The following SH3GL2 variants were observed in gnomAD, a reference collection of about 807,000 sequenced individuals.
SH3GL2 encodes endophilin-A1.
Under a neutral mutation model 46.0 loss-of-function variants are expected in SH3GL2, and 24 were observed. That is an observed-to-expected ratio of 0.52 (90% CI 0.38 to 0.73). The LOEUF (loss-of-function observed/expected upper bound fraction) is 0.73. SH3GL2 is among the 30% of genes least tolerant of loss of function. SH3GL2 has a pLI of 0.00. For synonymous variants in SH3GL2, 196 were observed against 147.1 expected (o/e 1.33, Z -2.40); for missense variants, 413 against 424.2 (o/e 0.97, Z 0.23).
intron 1 of SH3GL2, among the ~76,000 whole-genome samples, chr9:17,582,790 A>G (rs964933752): frequency 6.6e-6 from 1 of 152,250 alleles, no homozygotes; most frequent in Non-Finnish European, 1.5e-5. Context: ...GGTATGAGAC[A>G]GGATCTATTC....
intron 1 of SH3GL2, among the ~76,000 whole-genome samples, chr9:17,730,501 T>G (rs771621407): frequency 2.0e-5 from 3 of 152,270 alleles, no homozygotes; most frequent in African/African-American, 7.2e-5. Flanking sequence ...CTATGTTGAA[T>G]AGGAGTGGTG....
At chr9:17,738,647 G>GAA (rs1822430766) in intron 1 of SH3GL2, among the ~76,000 whole-genome samples, 1 of 47,378 alleles carries the variant, frequency 2.1e-5, no homozygotes, top group African/African-American at 7.5e-5. Flanking sequence ...TATATAGAGA[G>GAA]AGAGAGAGAG....
chr9:17,732,089 G>A (rs1822200477), intron 1 of SH3GL2, among the ~76,000 whole-genome samples: 1 of 152,132 alleles, frequency 6.6e-6, no homozygotes, highest in African/African-American at 2.4e-5. Context: ...CATGAGTGTT[G>A]AGTAGGCCAA....
In SH3GL2 at chr9:17,604,253, G is replaced by C. The variant is rs557673699; in HGVS notation, c.45+24966G>C. The stretch of plus-strand genomic sequence containing the variant: ...CAAGAGCTGGACACTGGACTCTGCT[G>C]CCTGGGCTCCACTCTGCTCTGCTGC... On this transcript the variant is annotated intron_variant, in intron 1 of 8. Transcript: ENST00000380607. Among the ~76,000 whole-genome samples the C allele has an allele frequency of 3.3e-5, 5 of 152,324 alleles. No individual in the cohort carries two copies. The South Asian group carries it at 1.0e-3, about 32-fold the overall frequency.
At chr9:17,705,831 G>A (rs924102267) in intron 1 of SH3GL2, among the ~76,000 whole-genome samples, 1 of 151,862 alleles carries the variant, frequency 6.6e-6, no homozygotes, top group Non-Finnish European at 1.5e-5. Context: ...GGTGAGGGTC[G>A]TAAAACTACC....
intron 2 of SH3GL2, among the ~76,000 whole-genome samples, chr9:17,756,220 A>G (rs1435854094): frequency 6.6e-6 from 1 of 152,216 alleles, no homozygotes; most frequent in Non-Finnish European, 1.5e-5. Flanking sequence ...GTCTCATTTC[A>G]AATTTTTTCA....
At chr9:17,753,423 A>G (rs1477219478) in intron 2 of SH3GL2, among the ~76,000 whole-genome samples, 1 of 152,070 alleles carries the variant, frequency 6.6e-6, no homozygotes, top group East Asian at 1.9e-4. Context: ...TTCTGTAATG[A>G]TCAGTGATGT....
chr9:17,582,389 G>A (rs1470069708), intron 1 of SH3GL2, among the ~76,000 whole-genome samples: 1 of 152,170 alleles, frequency 6.6e-6, no homozygotes, highest in Non-Finnish European at 1.5e-5. Flanking sequence ...ATAAAGGGCA[G>A]ATGATCTTGT....
rs543336864 is a variant in SH3GL2, at chr9:17,779,722, T to A, written c.188-6659T>A. 1.2e-4 allele frequency among the ~76,000 whole-genome samples: 18 copies of A among 152,324 alleles called. No individual in the cohort carries two copies. The East Asian group carries it at 2.7e-3, about 23-fold the overall frequency. On this transcript the variant is annotated intron_variant, in intron 3 of 8. Transcript: ENST00000380607. ...TCTTCTGCTTCTTTCTGTTATCTAA[T>A]GGCCTAGCCTTCAAGATTTCAGATG...
Position 17,787,777 on chromosome 9 carries a change from C to G in SH3GL2, c.465+264C>G, listed in dbSNP as rs148172684. Among the ~76,000 whole-genome samples the G allele has an allele frequency of 2.6e-3, 393 of 152,176 alleles. 2 individuals are homozygous for G. The highest frequency in any genetic ancestry group is 9.0e-3 in the African/African-American group (373 of 41,520). On this transcript the variant is annotated intron_variant, in intron 5 of 8. Coordinates refer to ENST00000380607, the MANE Select transcript of SH3GL2 (RefSeq NM_003026.5). ...TTGAATAGTTTTTTTCAGACTTTTTCTCCAGAGGATAATATACTTTTCCTG... is the reference window on the plus strand; with the variant it reads ...TTGAATAGTTTTTTTCAGACTTTTTGTCCAGAGGATAATATACTTTTCCTG...
intron 3 of SH3GL2, among the ~76,000 whole-genome samples, chr9:17,771,264 G>T (rs1289731609): frequency 6.6e-6 from 1 of 152,134 alleles, no homozygotes; most frequent in Admixed American, 6.5e-5. Context: ...ACCCCCCAGG[G>T]AGTATAGGTC....
chr9:17,617,176 T>C (rs1242335295), intron 1 of SH3GL2, among the ~76,000 whole-genome samples: 1 of 152,240 alleles, frequency 6.6e-6, no homozygotes. Flanking sequence ...TATTCTGTTG[T>C]ATTATTATGC....
intron 1 of SH3GL2, among the ~76,000 whole-genome samples, chr9:17,723,954 C>G (rs1396836484): frequency 6.6e-6 from 1 of 152,052 alleles, no homozygotes; most frequent in Non-Finnish European, 1.5e-5. Context: ...TTTGAAGTGT[C>G]TGGTGTGGTT....
intron 1 of SH3GL2, among the ~76,000 whole-genome samples, chr9:17,594,842 A>G (rs959777157): frequency 1.3e-4 from 20 of 152,174 alleles, no homozygotes; most frequent in African/African-American, 4.8e-4. Context: ...GAATGAATAC[A>G]TAGCTTCTGT....
chr9:17,739,864 AC>A (rs1822472967), intron 1 of SH3GL2, among the ~76,000 whole-genome samples: 1 of 152,088 alleles, frequency 6.6e-6, no homozygotes, highest in South Asian at 2.1e-4. Context: ...GAAAGTTATT[AC>A]TTTTAACCCC....
At chr9:17,607,994 C>G (rs796189886) in intron 1 of SH3GL2, among the ~76,000 whole-genome samples, 5 of 152,168 alleles carry the variant, frequency 3.3e-5, no homozygotes, top group Admixed American at 1.3e-4. Flanking sequence ...TGAAGAAATT[C>G]AAGATTTTCC....
intron 1 of SH3GL2, among the ~76,000 whole-genome samples, chr9:17,691,679 G>T (rs1821082570): frequency 6.6e-6 from 1 of 152,124 alleles, no homozygotes; most frequent in South Asian, 2.1e-4. Context: ...GGGATTTGCA[G>T]TCAGAGAAGA....
intron 1 of SH3GL2, chr9:17,653,817 A>C (rs904614088): frequency 2.1e-6 from 2 of 941,364 alleles, no homozygotes; most frequent in African/African-American, 3.5e-5. Flanking sequence ...GTCTTATCAA[A>C]GAAGAAGACA....
At chr9:17,715,078 G>A (rs1821716960) in intron 1 of SH3GL2, among the ~76,000 whole-genome samples, 4 of 151,566 alleles carry the variant, frequency 2.6e-5, no homozygotes, top group Admixed American at 2.6e-4. Context: ...TATTGCATAT[G>A]CAGTATTCAT....
Sources: allele counts gnomAD v4.1 joint callset (sites outside exome capture counted in the v4.1 genomes callset), GRCh38; gene constraint gnomAD v4.1.1; transcripts MANE v1.5; gene names NCBI Gene and HGNC (gene_info 2026-07-23, HGNC 2026-07-21).